SLC5A10: variants seen among roughly 807,000 people sequenced by gnomAD.
SLC5A10 encodes solute carrier family 5 member 10, also known as sodium/mannose cotransporter SLC5A10.
In SLC5A10, 55 loss-of-function variants were observed where a neutral mutation model predicts 68.9. The observed-to-expected ratio is 0.80, with a 90% CI of 0.64 to 1.00. The LOEUF is 1.00. SLC5A10 is among the 50% of genes least tolerant of loss of function. SLC5A10 has a pLI of 0.00. For synonymous variants in SLC5A10, 344 were observed against 344.8 expected, an observed-to-expected ratio of 1.00 and a Z score of 0.02; for missense variants, 732 against 819.3, an observed-to-expected ratio of 0.89 and a Z score of 1.30.
At chr17:18,980,510 T>G (rs938770343) in intron 9 of SLC5A10, among the ~76,000 whole-genome samples, 21 of 152,150 alleles carry the variant, frequency 1.4e-4, no homozygotes, top group African/African-American at 5.1e-4. Context: ...TCCTGGACCC[T>G]GAACACATAA....
Position 18,978,522 on chromosome 17 carries a change from C to T in SLC5A10, c.982+1533C>T. 4 of 1,613,298 alleles carry T rather than the reference C, an allele frequency of 2.5e-6. No homozygotes were observed. In the South Asian group the frequency reaches 4.4e-5, roughly 18 times the overall value. ...TCGGGGAGTTCCCCTGGATGCTCAG[C>T]CAGCGCTGGGCCTTTCAGCCCCAGG... On this transcript the variant is annotated intron_variant, in intron 9 of 14. Coordinates refer to ENST00000395645, the MANE Select transcript of SLC5A10 (RefSeq NM_001042450.4).
chr17:18,989,503 A>G (rs1209129595), intron 9 of SLC5A10, among the ~76,000 whole-genome samples: 1 of 152,176 alleles, frequency 6.6e-6, no homozygotes, highest in East Asian at 1.9e-4. Flanking sequence ...GGAGGGCTCC[A>G]TACCTGCCCT....
At chr17:18,978,276 G>T in intron 9 of SLC5A10, 1 of 1,610,130 alleles carries the variant, frequency 6.2e-7, no homozygotes, top group Non-Finnish European at 8.5e-7. Flanking sequence ...TCCTGGCTCT[G>T]CTTCCACAGC....
chr17:18,954,959 G>A (rs368516730), intron 1 of SLC5A10, among the ~76,000 whole-genome samples: 7 of 151,812 alleles, frequency 4.6e-5, no homozygotes, highest in Non-Finnish European at 1.0e-4. Context: ...GGTGCCAGGC[G>A]CCTGTAATCC....
At position 19,021,199 on chromosome 17, in the gene SLC5A10, T is replaced by A. The variant is rs1049650559; in HGVS notation, c.*768T>A. The A allele has an allele frequency of 6.6e-6, 1 of 152,308 alleles. No homozygotes were observed. The highest frequency in any genetic ancestry group is 2.4e-5 in the African/African-American group (1 of 41,460). The allele number at this position is 152,308 out of a possible 1,614,324, so 9.4% of individuals were successfully genotyped here. A position where few individuals can be genotyped will look rare whatever the true frequency, so the allele number is the denominator to read the frequency against. On this transcript the variant is annotated 3_prime_UTR_variant, in exon 15 of 15. Coordinates refer to ENST00000395645, the MANE Select transcript of SLC5A10 (RefSeq NM_001042450.4). The surrounding 1 kb of genome is among the most constrained non-coding windows in gnomAD (Gnocchi z 4.1). ...TCCTGAGAGCTCTGCTGGGCCCCGG[T>A]CTGGGCAGAACCTGGGCCTAAACAA...
chr17:18,963,080 G>A (rs1262046239), intron 5 of SLC5A10, among the ~76,000 whole-genome samples: 3 of 152,222 alleles, frequency 2.0e-5, no homozygotes, highest in East Asian at 1.9e-4. Flanking sequence ...TTAGCCAAAT[G>A]TGGTGGCATG....
chr17:18,993,793 C>T lies in SLC5A10; in HGVS notation c.982+16804C>T, dbSNP rs113592762. Among the ~76,000 whole-genome samples the T allele has an allele frequency of 2.1e-3, 316 of 152,344 alleles. 2 individuals carry two copies. The highest frequency in any genetic ancestry group is 6.6e-3 in the African/African-American group (276 of 41,574). On this transcript the variant is annotated intron_variant, in intron 9 of 14. Transcript: ENST00000395645. ...GTGTGGGCTCTGCACCCGCTGGCTC[C>T]GATCTCAGCTCCTCCTGGGAAGCTG...
chr17:19,018,016 C>T lies in SLC5A10; in HGVS notation c.1242-1407C>T, dbSNP rs537177898. On this transcript the variant is annotated intron_variant, in intron 11 of 14. Coordinates refer to ENST00000395645, the MANE Select transcript of SLC5A10 (RefSeq NM_001042450.4). The surrounding 1 kb of genome is among the most constrained non-coding windows in gnomAD (Gnocchi z 4.2). ...GTGTGCAGAGGGCGGGGTGGGCAGG[C>T]GTTAATGGAGGCCCGCCTGGGCCTT... The T allele has an allele frequency of 4.6e-5, 7 of 152,652 alleles. No individual in the cohort carries two copies. Among genetic ancestry groups the T allele is most frequent in the Admixed American group, 2.0e-4 (3 of 15,320 alleles). The allele number at this position is 152,652 out of a possible 1,614,324, so 9.5% of individuals were successfully genotyped here.
rs1274852231 is a variant in SLC5A10, at chr17:19,021,837, C to T, written c.*1406C>T. The T allele has an allele frequency of 1.7e-5, 17 of 1,026,766 alleles. No homozygotes were observed. The highest frequency in any genetic ancestry group is 2.7e-5 in the South Asian group (1 of 36,550). 63.6% of individuals were successfully genotyped at this position (1,026,766 alleles called of 1,614,324 possible). The stretch of plus-strand genomic sequence containing the variant: ...GCGGCCGGAGGCAGTTAGGAGCCCA[C>T]GTTCAGTCCAAGGCCGTCCACTGAG... On this transcript the variant is annotated 3_prime_UTR_variant, in exon 15 of 15. Coordinates refer to ENST00000395645, the MANE Select transcript of SLC5A10 (RefSeq NM_001042450.4). The surrounding 1 kb of genome is among the most constrained non-coding windows in gnomAD (Gnocchi z 4.1).
intron 9 of SLC5A10, among the ~76,000 whole-genome samples, chr17:18,999,225 C>T (rs1418329656): frequency 6.6e-6 from 1 of 151,618 alleles, no homozygotes; most frequent in Non-Finnish European, 1.5e-5. Context: ...TTGCGGTGAG[C>T]AGAGATCGTG....
At chr17:18,957,267 G>C (rs925548402) in intron 1 of SLC5A10, among the ~76,000 whole-genome samples, 1 of 152,182 alleles carries the variant, frequency 6.6e-6, no homozygotes, top group Non-Finnish European at 1.5e-5. Context: ...AGGAAGCAGG[G>C]AAGACAGGAT....
chr17:18,994,359 G>A (rs2472712), intron 9 of SLC5A10, among the ~76,000 whole-genome samples: 65,787 of 151,972 alleles, frequency 0.43, 15,539 homozygotes, highest in Middle Eastern at 0.55. Flanking sequence ...GAGTCTTGTG[G>A]TCTCCCTGAG....
At chr17:19,013,301 G>A (rs886270895) in intron 9 of SLC5A10, 109 bp from the exon 10 acceptor site, 129 of 1,535,812 alleles carry the variant, frequency 8.4e-5, no homozygotes, top group Non-Finnish European at 1.0e-4. Flanking sequence ...ACAGGTCAGA[G>A]GCATTGATGG....
In SLC5A10 at chr17:19,003,327, C is replaced by G. The variant is rs2043779678; in HGVS notation, c.983-10083C>G. Among the ~76,000 whole-genome samples the G allele has an allele frequency of 6.6e-6, 1 of 151,982 alleles. No homozygotes were observed. The highest frequency in any genetic ancestry group is 2.1e-4 in the South Asian group (1 of 4,816). ...TGTCACCTGCTAGGACCTGGGAACCCTACCCTGCAAAGAAACTGCGGATCC... is the reference window on the plus strand; with the variant it reads ...TGTCACCTGCTAGGACCTGGGAACCGTACCCTGCAAAGAAACTGCGGATCC... On this transcript the variant is annotated intron_variant, in intron 9 of 14. Transcript: ENST00000395645. The surrounding 1 kb of genome is among the most constrained non-coding windows in gnomAD (Gnocchi z 4.5).
chr17:18,986,776 T>C (rs1447270193), intron 9 of SLC5A10, among the ~76,000 whole-genome samples: 2 of 152,212 alleles, frequency 1.3e-5, no homozygotes, highest in Non-Finnish European at 2.9e-5. Context: ...TCGCTGGGCC[T>C]GGGGCAGGGG....
chr17:18,978,210 C>T lies in SLC5A10; in HGVS notation c.982+1221C>T, dbSNP rs150972768. The T allele has an allele frequency of 3.5e-4, 544 of 1,562,618 alleles. 2 individuals carry two copies. In the African/African-American group the frequency reaches 4.5e-3, roughly 13 times the overall value. ...GGGAGGCCGTTCTCAGCTGGGACAC[C>T]GTCCTGGGGGGCACTGGGCTCTGGG... is the stretch of plus-strand genomic sequence containing the variant. On this transcript the variant is annotated intron_variant, in intron 9 of 14. Transcript: ENST00000395645.
chr17:18,960,535 T>G lies in SLC5A10; in HGVS notation c.349-13T>G. On this transcript the variant is annotated splice_polypyrimidine_tract_variant and intron_variant, in intron 4 of 14. Coordinates refer to ENST00000395645, the MANE Select transcript of SLC5A10 (RefSeq NM_001042450.4). ...CTGGAGGATGCTTAGCCCCTACCCA[T>G]GTGCCTTCCCAGATCGTCACCTTAC... 6.2e-7 allele frequency: 1 copy of G among 1,613,212 alleles called. No individual in the cohort carries two copies. The highest frequency in any genetic ancestry group is 2.2e-5 in the East Asian group (1 of 44,866).
rs1488472301 is a variant in SLC5A10, at chr17:18,953,152, C to G, written c.111+836C>G. Among the ~76,000 whole-genome samples, 13 of 106,578 alleles carry G rather than the reference C, an allele frequency of 1.2e-4. No homozygotes were observed. In the East Asian group the frequency reaches 3.4e-3, roughly 28 times the overall value. The allele number at this position is 106,578 out of a possible 152,430, so 69.9% of individuals were successfully genotyped here. On this transcript the variant is annotated intron_variant, in intron 1 of 14. Coordinates refer to ENST00000395645, the MANE Select transcript of SLC5A10 (RefSeq NM_001042450.4). Reference sequence around the variant, plus strand: ...TCTTTTTTTTTTTTTTTTTTTTTAACTGAGACGGAGTCTAGCACTGTCACC... The same window carrying G: ...TCTTTTTTTTTTTTTTTTTTTTTAAGTGAGACGGAGTCTAGCACTGTCACC...
In SLC5A10 at chr17:18,973,730, C is replaced by T. The variant is rs374790776; in HGVS notation, c.846+2512C>T. 1.2e-4 allele frequency among the ~76,000 whole-genome samples: 18 copies of T among 152,236 alleles called. 1 individual carries two copies. Among genetic ancestry groups the T allele is most frequent in the African/African-American group, 3.9e-4 (16 of 41,534 alleles). ...TGCTTTTTTTTAAGATGGAGTCTTG[C>T]TCTGTTGCTCAGGCTGGAGTGCAGT... On this transcript the variant is annotated intron_variant, in intron 8 of 14. Coordinates refer to ENST00000395645, the MANE Select transcript of SLC5A10 (RefSeq NM_001042450.4).
Sources: gnomAD v4.1 joint callset for allele counts (sites outside exome capture counted in the v4.1 genomes callset) on GRCh38, gnomAD v4.1.1 for gene constraint, Gnocchi (gnomAD v3.1) non-coding constraint, MANE v1.5 for transcripts, NCBI Gene and HGNC (gene_info 2026-07-23, HGNC 2026-07-21) for gene names.